Variants in KCNC3 observed in about 807,000 individuals in gnomAD.
The protein encoded by KCNC3 is potassium voltage-gated channel subfamily C member 3.
KCNC3 carries 22 observed loss-of-function variants against 43.9 expected under a neutral mutation model. The ratio of observed to expected loss-of-function variants is 0.50; its 90% CI spans 0.36 to 0.72. The LOEUF (loss-of-function observed/expected upper bound fraction) is 0.72, where lower values mean the gene tolerates loss of function less well. KCNC3 is among the 30% of genes least tolerant of loss of function. The pLI is 0.00. For missense variants in KCNC3, 829 were observed against 1,073.8 expected, an observed-to-expected ratio of 0.77 and a Z score of 3.19; for synonymous variants, 492 against 488.0, an observed-to-expected ratio of 1.01 and a Z score of -0.11.
At position 50,328,422 on chromosome 19, in the gene KCNC3, C is replaced by G. The variant is rs1215660392; in HGVS notation, c.661G>C (p.Asp221His). Reference protein sequence around the residue: ...ANAANAAGAHDGGLDDEAGAG... With the variant: ...ANAANAAGAHHGGLDDEAGAG... The stretch of plus-strand genomic sequence containing the variant: ...CCCGCCTCGTCGTCCAGGCCTCCGT[C>G]GTGGGCGCCTGCGGCGTTGGCGGCG... The change falls in exon 1 of 5, where the codon GAC (aspartate) becomes CAC (histidine). Residue 221 changes from aspartate to histidine, a missense_variant. By Grantham distance (81) the Asp-to-His change is moderately conservative (BLOSUM62 -1). Transcript: ENST00000477616. 1 of 1,521,070 alleles carries G rather than the reference C, an allele frequency of 6.6e-7. No individual in the cohort carries two copies. The highest frequency in any genetic ancestry group is 2.2e-5 in the Admixed American group (1 of 45,660). The allele number at this position is 1,521,070 out of a possible 1,614,324, so 94.2% of individuals were successfully genotyped here.
At chr19:50,318,754 A>G (rs2123522419) in intron 4 of KCNC3, among the ~76,000 whole-genome samples, 1 of 152,180 alleles carries the variant, frequency 6.6e-6, no homozygotes, top group Middle Eastern at 3.4e-3. Flanking sequence ...TTTTATCCCA[A>G]ATTTGTAGTG....
chr19:50,327,679 GA>G (rs1295614947), intron 1 of KCNC3, among the ~76,000 whole-genome samples: 1 of 152,080 alleles, frequency 6.6e-6, no homozygotes, highest in Non-Finnish European at 1.5e-5. Flanking sequence ...GGGCCCCAGA[GA>G]GTCTGGAGAA....
rs1032458530 is a variant in KCNC3, at chr19:50,323,504, G to T, written c.1449C>A (p.Asn483Lys). The change falls in exon 2 of 5, where the codon AAC becomes AAA. Residue 483 changes from asparagine to lysine, a missense_variant. Physicochemically the swap from Asn to Lys is moderately conservative, Grantham distance 94 (BLOSUM62 0). Coordinates refer to ENST00000477616, the MANE Select transcript of KCNC3 (RefSeq NM_004977.3). ...GADPDDILGS[N>K]HTYFKNIPIG... ...TGGGGATGTTCTTGAAGTAGGTGTG[G>T]TTGGAGCCCAGGATGTCATCGGGGT... 6.2e-7 allele frequency: 1 copy of T among 1,614,228 alleles called. No homozygotes were observed. The highest frequency in any genetic ancestry group is 1.1e-5 in the South Asian group (1 of 91,088).
chr19:50,328,289 C>A lies in KCNC3; in HGVS notation c.794G>T (p.Gly265Val). The A allele has an allele frequency of 8.6e-7, 1 of 1,160,716 alleles. No individual in the cohort carries two copies. Among genetic ancestry groups the A allele is most frequent in the Non-Finnish European group, 1.1e-6 (1 of 946,750 alleles). The allele number at this position is 1,160,716 out of a possible 1,614,324, so 71.9% of individuals were successfully genotyped here. A position where few individuals can be genotyped will look rare whatever the true frequency, so the allele number is the denominator to read the frequency against. The stretch of plus-strand genomic sequence containing the variant: ...CTGCCAGCGGCGCCACCATGTGCCG[C>A]CCGCGCCGCCCGCGCCCCCTGGCGG... The part of the protein sequence containing the change: ...GGPPGGAGGA[G>V]GTWWRRWQPR... Residue 265 changes from glycine to valine, a missense_variant, in exon 1 of 5, where the codon GGC (glycine) becomes GTC (valine). Gly to Val is a moderately radical substitution (Grantham distance 109). This residue lies in a region of KCNC3 where 157 missense variants were observed against 293.5 expected (regional missense o/e 0.53). Transcript: ENST00000477616.
Position 50,323,628 on chromosome 19 carries a change from C to T in KCNC3, c.1325G>A (p.Arg442His), listed in dbSNP as rs1568572016. ...VGLRVLGHTL[R>H]ASTNEFLLLI... ...CAGCAGGAACTCGTTGGTGCTGGCG[C>T]GGAGCGTGTGTCCCAGCACGCGCAG... is the stretch of plus-strand genomic sequence containing the variant. The change falls in exon 2 of 5, where the codon CGC becomes CAC. Residue 442 changes from arginine (R) to histidine (H), a missense_variant. By Grantham distance (29) the Arg-to-His change is conservative. This residue lies in a region of KCNC3 where 157 missense variants were observed against 293.5 expected (regional missense o/e 0.53). Transcript: ENST00000477616. The T allele has an allele frequency of 2.5e-6, 4 of 1,614,218 alleles. No individual in the cohort carries two copies. Among genetic ancestry groups the T allele is most frequent in the Non-Finnish European group, 3.4e-6 (4 of 1,180,058 alleles).
chr19:50,330,280 A>G (rs186749953), upstream of KCNC3, among the ~76,000 whole-genome samples: 1 of 152,106 alleles, frequency 6.6e-6, no homozygotes, highest in East Asian at 1.9e-4. Context: ...AAATAAATAA[A>G]TAAAAGAAAA....
intron 2 of KCNC3, among the ~76,000 whole-genome samples, 161 bp from the exon 3 acceptor site, chr19:50,320,945 C>T (rs1405160540): frequency 7.6e-6 from 1 of 132,154 alleles, no homozygotes; most frequent in East Asian, 2.2e-4. Flanking sequence ...AAGGAGTGGC[C>T]AGGAGGGTGG....
intron 4 of KCNC3, among the ~76,000 whole-genome samples, chr19:50,317,580 C>A (rs552146715): frequency 6.6e-6 from 1 of 152,044 alleles, no homozygotes; most frequent in Non-Finnish European, 1.5e-5. Context: ...GCCGAAAATC[C>A]GTCCTGATCT....
rs2036935028 is a variant in KCNC3 at position 50,315,409 on chromosome 19, G to C, written c.*706C>G. On this transcript the variant is annotated 3_prime_UTR_variant, in exon 5 of 5. Coordinates refer to ENST00000477616, the MANE Select transcript of KCNC3 (RefSeq NM_004977.3). ...ACTGGTCCCCTCACCTGAGGCAAAA[G>C]GTGGGGGGCAGCAAGGCGGGATGGT... 1 of 152,326 alleles carries C rather than the reference G, an allele frequency of 6.6e-6. No homozygotes were observed. The highest frequency in any genetic ancestry group is 2.4e-5 in the African/African-American group (1 of 41,318). 9.4% of individuals were successfully genotyped at this position (152,326 alleles called of 1,614,324 possible).
rs1331229368 is a variant in KCNC3, at chr19:50,311,964, T to C, written c.*4151A>G. 2 of 142,398 alleles carry C rather than the reference T, an allele frequency of 1.4e-5. No individual in the cohort carries two copies. Among genetic ancestry groups the C allele is most frequent in the Non-Finnish European group, 3.1e-5 (2 of 65,004 alleles). The allele number at this position is 142,398 out of a possible 1,614,324, so 8.8% of individuals were successfully genotyped here. A position where few individuals can be genotyped will look rare whatever the true frequency, so the allele number is the denominator to read the frequency against. On this transcript the variant is annotated 3_prime_UTR_variant, in exon 5 of 5. Transcript: ENST00000477616. Reference sequence around the variant, plus strand: ...TTTAAATGAAAAGGAAACGTTTATTTTGGTGGGGAGTGAGGGTGGGTGGGA... The same window carrying C: ...TTTAAATGAAAAGGAAACGTTTATTCTGGTGGGGAGTGAGGGTGGGTGGGA...
Position 50,328,303 on chromosome 19 carries a change from G to T in KCNC3, c.780C>A (p.Gly260=). ...AGGGAGGPPG[G]AGGAGGTWWR... ...ACCATGTGCCGCCCGCGCCGCCCGC[G>T]CCCCCTGGCGGCCCCCCGGCGCCGC... The change falls in exon 1 of 5, where the codon GGC becomes GGA. Residue 260 remains glycine (G), a synonymous_variant. Transcript: ENST00000477616. 8.7e-7 allele frequency: 1 copy of T among 1,148,476 alleles called. No homozygotes were observed. The highest frequency in any genetic ancestry group is 1.1e-6 in the Non-Finnish European group (1 of 938,434). The allele number at this position is 1,148,476 out of a possible 1,614,324, so 71.1% of individuals were successfully genotyped here. A position where few individuals can be genotyped will look rare whatever the true frequency, so the allele number is the denominator to read the frequency against.
At chr19:50,329,947 G>T (rs2037165926), upstream of KCNC3, among the ~76,000 whole-genome samples, 1 of 152,180 alleles carries the variant, frequency 6.6e-6, no homozygotes, top group Non-Finnish European at 1.5e-5. Context: ...GTGGTACTGA[G>T]GAAGGTGAGT....
Position 50,313,786 on chromosome 19 carries a change from C to T in KCNC3, c.*2329G>A, listed in dbSNP as rs1055578486. Reference sequence around the variant, plus strand: ...GAGCATCCCAAAGGCTGAATTTGAGCTGAAAAGAGCTGGGTCAAGTCTTGG... The same window carrying T: ...GAGCATCCCAAAGGCTGAATTTGAGTTGAAAAGAGCTGGGTCAAGTCTTGG... On this transcript the variant is annotated 3_prime_UTR_variant, in exon 5 of 5. Transcript: ENST00000477616. 1.3e-5 allele frequency: 2 copies of T among 150,678 alleles called. No homozygotes were observed. Among genetic ancestry groups the T allele is most frequent in the Admixed American group, 1.3e-4 (2 of 15,100 alleles). 9.3% of individuals were successfully genotyped at this position (150,678 alleles called of 1,614,324 possible). A position where few individuals can be genotyped will look rare whatever the true frequency, so the allele number is the denominator to read the frequency against.
In KCNC3 at chr19:50,326,562, G is replaced by A. The variant is rs375195881; in HGVS notation, c.870+1651C>T. 1.1e-4 allele frequency among the ~76,000 whole-genome samples: 17 copies of A among 152,234 alleles called. No homozygotes were observed. The South Asian group carries it at 3.3e-3, about 30-fold the overall frequency. ...CAGGACGCGGCACGGTGGGGGGAGG[G>A]GGCCAAGACCTGCTCCTCTGTGTTT... On this transcript the variant is annotated intron_variant, in intron 1 of 4. Transcript: ENST00000477616.
intron 1 of KCNC3, among the ~76,000 whole-genome samples, chr19:50,326,532 C>T (rs548871926): frequency 2.0e-5 from 3 of 147,932 alleles, no homozygotes; most frequent in Admixed American, 7.1e-5. Context: ...GCGTCCTTCC[C>T]GGCTCAGGAC....
At chr19:50,322,871 C>T in intron 2 of KCNC3, 104 bp downstream of exon 2, 1 of 1,255,120 alleles carries the variant, frequency 8.0e-7, no homozygotes, top group Non-Finnish European at 1.1e-6. Flanking sequence ...TCTCCCTCAC[C>T]TCTTCGACGC....
At position 50,323,187 on chromosome 19, in the gene KCNC3, T is replaced by A. The variant is rs1173307960; in HGVS notation, c.1766A>T (p.His589Leu). The change falls in exon 2 of 5, where the codon CAC (histidine) becomes CTC (leucine). Residue 589 changes from histidine to leucine, a missense_variant. Physicochemically the swap from His to Leu is moderately conservative, Grantham distance 99. This residue lies in a region of KCNC3 where 308 missense variants were observed against 276.2 expected (regional missense o/e 1.11). Coordinates refer to ENST00000477616, the MANE Select transcript of KCNC3 (RefSeq NM_004977.3). ...CGGCGGGCTGATGCCCCCGCTGCCG[T>A]GGTGCGGGTGGGGCGGGGGTGGCGG... ...PPPPPPPHPH[H>L]GSGGISPPPP... The A allele has an allele frequency of 6.9e-7, 1 of 1,448,128 alleles. No individual in the cohort carries two copies. The highest frequency in any genetic ancestry group is 1.4e-5 in the African/African-American group (1 of 71,246). The allele number at this position is 1,448,128 out of a possible 1,614,324, so 89.7% of individuals were successfully genotyped here. A position where few individuals can be genotyped will look rare whatever the true frequency, so the allele number is the denominator to read the frequency against.
In KCNC3 at chr19:50,323,111, T is replaced by G; in HGVS notation, c.1842A>C (p.Pro614=). ...SMGVTVAGAY[P]AGPHTHPGLL... ...GCCCGGGGTGCGTGTGGGGCCCCGCTGGGTAGGCCCCGGCCACAGTCACCC... is the reference window on the plus strand; with the variant it reads ...GCCCGGGGTGCGTGTGGGGCCCCGCGGGGTAGGCCCCGGCCACAGTCACCC... The change falls in exon 2 of 5, where the codon CCA becomes CCC. Residue 614 remains proline, a synonymous_variant. Coordinates refer to ENST00000477616, the MANE Select transcript of KCNC3 (RefSeq NM_004977.3). 1 of 1,537,812 alleles carries G rather than the reference T, an allele frequency of 6.5e-7. No individual in the cohort carries two copies. The highest frequency in any genetic ancestry group is 8.7e-7 in the Non-Finnish European group (1 of 1,144,522).
In KCNC3 at chr19:50,329,357, G is replaced by T. The variant is rs919841610; in HGVS notation, c.-275C>A. 2 of 199,618 alleles carry T rather than the reference G, an allele frequency of 1.0e-5. No individual in the cohort carries two copies. Among genetic ancestry groups the T allele is most frequent in the Non-Finnish European group, 2.0e-5 (2 of 98,636 alleles). 12.4% of individuals were successfully genotyped at this position (199,618 alleles called of 1,614,324 possible). A position where few individuals can be genotyped will look rare whatever the true frequency, so the allele number is the denominator to read the frequency against. The stretch of plus-strand genomic sequence containing the variant: ...GCAGGGAGGAGGGGCGGGGCGGGGC[G>T]TCAAGGGAGGCGGGACCGGTTACTA... On this transcript the variant is annotated 5_prime_UTR_variant, in exon 1 of 5. Coordinates refer to ENST00000477616, the MANE Select transcript of KCNC3 (RefSeq NM_004977.3).
Sources: gnomAD v4.1 joint callset for allele counts (sites outside exome capture counted in the v4.1 genomes callset) on GRCh38, gnomAD v4.1.1 for gene constraint, gnomAD v4.1.1 regional missense constraint, MANE v1.5 for transcripts, NCBI Gene and HGNC (gene_info 2026-07-23, HGNC 2026-07-21) for gene names.